LRP1B: variants seen among roughly 807,000 people sequenced by gnomAD.
The protein encoded by LRP1B is LDL receptor related protein 1B, also known as low-density lipoprotein receptor-related protein 1B.
LRP1B carries 217 observed loss-of-function variants against 556.6 expected under a neutral mutation model. The ratio of observed to expected loss-of-function variants is 0.39; its 90% CI spans 0.35 to 0.44. LRP1B has a LOEUF of 0.44. Ranked by LOEUF, LRP1B falls within the 20% of genes least tolerant of loss-of-function variation. LRP1B has a pLI of 1.00. For synonymous variants in LRP1B, 2,047 were observed against 1,865.8 expected (o/e 1.10, Z -2.50); for missense variants, 5,053 against 5,620.8 (o/e 0.90, Z 3.23).
At chr2:140,684,803 T>G (rs777685486) in intron 41 of LRP1B, among the ~76,000 whole-genome samples, 1 of 152,146 alleles carries the variant, frequency 6.6e-6, no homozygotes, top group Non-Finnish European at 1.5e-5. Flanking sequence ...GCATGCTAGC[T>G]AAGGTAAATT....
At chr2:141,073,902 C>T (rs984556974) in intron 7 of LRP1B, among the ~76,000 whole-genome samples, 2 of 152,056 alleles carry the variant, frequency 1.3e-5, no homozygotes, top group Non-Finnish European at 2.9e-5. Flanking sequence ...TAACAGTCAT[C>T]TGTTACTTGG....
intron 5 of LRP1B, among the ~76,000 whole-genome samples, chr2:141,244,305 C>T (rs1683991551): frequency 6.6e-6 from 1 of 152,150 alleles, no homozygotes; most frequent in Non-Finnish European, 1.5e-5. Flanking sequence ...TTTCTAAAGC[C>T]TGGAGATCTT....
chr2:140,291,300 A>ATATT (rs1482898150), intron 84 of LRP1B, among the ~76,000 whole-genome samples: 1 of 56,300 alleles, frequency 1.8e-5, no homozygotes, highest in Non-Finnish European at 4.1e-5. Context: ...ATTTTATTTT[A>ATATT]TATATATATA....
At chr2:140,897,410 C>G (rs1693985005) in intron 23 of LRP1B, among the ~76,000 whole-genome samples, 1 of 152,132 alleles carries the variant, frequency 6.6e-6, no homozygotes, top group African/African-American at 2.4e-5. Context: ...CCCCTTTCCC[C>G]AAAGCCAGCC....
At chr2:141,588,788 A>G (rs531903490) in intron 2 of LRP1B, among the ~76,000 whole-genome samples, 8 of 152,324 alleles carry the variant, frequency 5.3e-5, no homozygotes, top group African/African-American at 1.9e-4. Flanking sequence ...CTGTTGTAAA[A>G]TATGTAGATA....
intron 20 of LRP1B, among the ~76,000 whole-genome samples, chr2:140,939,503 T>A (rs1329596014): frequency 6.8e-6 from 1 of 148,094 alleles, no homozygotes; most frequent in African/African-American, 2.4e-5. Flanking sequence ...ATTTATAATA[T>A]AAAATTATAT....
chr2:141,123,968 T>C lies in LRP1B; in HGVS notation c.1014-61695A>G, dbSNP rs112157006. On this transcript the variant is annotated intron_variant, in intron 7 of 90. Coordinates refer to ENST00000389484, the MANE Select transcript of LRP1B (RefSeq NM_018557.3). ...GTGATAGAGTAAATTGTTAGTTATT[T>C]TTTGGAAGAAGAAATGAATATGTCT... 1.1e-3 allele frequency among the ~76,000 whole-genome samples: 163 copies of C among 152,246 alleles called. 2 individuals are homozygous for C. Among genetic ancestry groups the C allele is most frequent in the African/African-American group, 3.7e-3 (155 of 41,574 alleles).
intron 6 of LRP1B, among the ~76,000 whole-genome samples, chr2:141,212,578 C>G (rs1029348488): frequency 1.3e-5 from 2 of 151,332 alleles, no homozygotes; most frequent in Non-Finnish European, 2.9e-5. Flanking sequence ...GCGACCATGC[C>G]GGCCAAAAAG....
At chr2:141,433,063 C>T (rs1034977727) in intron 3 of LRP1B, among the ~76,000 whole-genome samples, 1 of 152,134 alleles carries the variant, frequency 6.6e-6, no homozygotes, top group East Asian at 1.9e-4. Flanking sequence ...GCATTAGCTG[C>T]ATAAATTTTG....
rs538289960 is a variant in LRP1B at position 140,430,166 on chromosome 2, A to C, written c.10414+12338T>G. On this transcript the variant is annotated intron_variant, in intron 66 of 90. Transcript: ENST00000389484. ...CTAATTGCCTCTCACCAGCAAAAGC[A>C]GGCTATGCTGTAGTATCTTCCACAT... is the stretch of plus-strand genomic sequence containing the variant. 6.6e-5 allele frequency among the ~76,000 whole-genome samples: 10 copies of C among 152,296 alleles called. No individual in the cohort carries two copies. The South Asian group carries it at 2.1e-3, about 32-fold the overall frequency.
intron 7 of LRP1B, among the ~76,000 whole-genome samples, chr2:141,153,778 T>C (rs183085049): frequency 2.0e-5 from 3 of 150,690 alleles, no homozygotes; most frequent in African/African-American, 7.3e-5. Context: ...AATCCTAGGA[T>C]TTGAGACTAA....
chr2:142,050,446 GTTC>G (rs1180500741), intron 1 of LRP1B, among the ~76,000 whole-genome samples: 2 of 151,924 alleles, frequency 1.3e-5, no homozygotes, highest in Non-Finnish European at 2.9e-5. Context: ...TACAATAAAT[GTTC>G]TTCTATTTTT....
intron 1 of LRP1B, among the ~76,000 whole-genome samples, chr2:142,031,494 A>G (rs1298893860): frequency 1.2e-5 from 1 of 80,300 alleles, no homozygotes. Flanking sequence ...CCCTCCCCCG[A>G]CCCCACCACA....
intron 7 of LRP1B, among the ~76,000 whole-genome samples, chr2:141,165,353 T>TTTAA (rs1193791938): frequency 1.3e-5 from 2 of 151,726 alleles, no homozygotes; most frequent in East Asian, 1.9e-4. Flanking sequence ...TGTTTATTTA[T>TTTAA]TTATTGGATA....
chr2:141,237,751 T>C (rs151248090), intron 5 of LRP1B, among the ~76,000 whole-genome samples: 1 of 152,248 alleles, frequency 6.6e-6, no homozygotes, highest in Non-Finnish European at 1.5e-5. Context: ...AATAACATCA[T>C]GCCCTCCCCA....
intron 77 of LRP1B, among the ~76,000 whole-genome samples, chr2:140,346,277 T>G (rs1157388066): frequency 6.6e-6 from 1 of 151,828 alleles, no homozygotes; most frequent in East Asian, 1.9e-4. Context: ...TAGACTCATA[T>G]AATAATTATC....
chr2:141,901,598 C>A (rs1037804570), intron 1 of LRP1B, among the ~76,000 whole-genome samples: 8 of 151,716 alleles, frequency 5.3e-5, no homozygotes, highest in African/African-American at 1.9e-4. Context: ...AATTTCAGAA[C>A]TGAAAAATGA....
intron 84 of LRP1B, among the ~76,000 whole-genome samples, chr2:140,293,396 T>TCA (rs1683474387): frequency 6.6e-6 from 1 of 152,202 alleles, no homozygotes; most frequent in Non-Finnish European, 1.5e-5. Flanking sequence ...ACTTAAAGAA[T>TCA]ACTTGATTTT....
At chr2:141,651,947 A>G (rs1054972223) in intron 2 of LRP1B, among the ~76,000 whole-genome samples, 1 of 152,228 alleles carries the variant, frequency 6.6e-6, no homozygotes, top group Non-Finnish European at 1.5e-5. Flanking sequence ...TAAGATCAAT[A>G]TGTAATATTT....
Sources: allele counts gnomAD v4.1 joint callset (sites outside exome capture counted in the v4.1 genomes callset), GRCh38; gene constraint gnomAD v4.1.1; transcripts MANE v1.5; gene names NCBI Gene and HGNC (gene_info 2026-07-23, HGNC 2026-07-21).